The following PXT1 variants were observed in gnomAD, a reference collection of about 807,000 sequenced individuals.
The protein encoded by PXT1 is peroxisomal testis enriched protein 1.
In PXT1, 11 loss-of-function variants were observed where a neutral mutation model predicts 11.0. The observed-to-expected ratio is 1.00, with a 90% CI of 0.63 to 1.66. PXT1 has a LOEUF of 1.66. PXT1 is among the 40% of genes most tolerant of loss of function. The pLI, the probability that PXT1 is intolerant of heterozygous loss-of-function variation, is 0.00. For missense variants in PXT1, 141 were observed against 155.5 expected, an observed-to-expected ratio of 0.91 and a Z score of 0.49; for synonymous variants, 43 against 51.4, an observed-to-expected ratio of 0.84 and a Z score of 0.70.
chr6:36,403,949 A>C (rs1561926184), intron 3 of PXT1, among the ~76,000 whole-genome samples: 1 of 152,194 alleles, frequency 6.6e-6, no homozygotes, highest in Non-Finnish European at 1.5e-5. Context: ...GGGATGTAGA[A>C]CTTAAGATAA....
At chr6:36,435,400 A>T (rs553166245) in intron 2 of PXT1, among the ~76,000 whole-genome samples, 36 of 144,376 alleles carry the variant, frequency 2.5e-4, no homozygotes, top group South Asian at 1.9e-3. Context: ...CTCTACAAAA[A>T]TTTTTTTTTT....
intron 2 of PXT1, among the ~76,000 whole-genome samples, chr6:36,428,503 G>A (rs1774641027): frequency 2.0e-5 from 3 of 151,928 alleles, no homozygotes; most frequent in Non-Finnish European, 4.4e-5. Context: ...AGAGCTGGCC[G>A]GCTGACAGCT....
At chr6:36,441,111 GA>G (rs970159726) in intron 1 of PXT1, among the ~76,000 whole-genome samples, 946 of 71,242 alleles carry the variant, frequency 0.013, 3 homozygotes, top group African/African-American at 0.025. Flanking sequence ...TCCACAAAAA[GA>G]AAAAAAAAAA....
chr6:36,423,489 G>T (rs1168588664), intron 3 of PXT1, among the ~76,000 whole-genome samples: 1 of 152,238 alleles, frequency 6.6e-6, no homozygotes, highest in African/African-American at 2.4e-5. Context: ...TGGCGACGCG[G>T]CCGGCGGCGG....
chr6:36,426,647 G>A (rs1305164712), intron 2 of PXT1, among the ~76,000 whole-genome samples: 1 of 152,138 alleles, frequency 6.6e-6, no homozygotes, highest in African/African-American at 2.4e-5. Flanking sequence ...TGGGATTACA[G>A]GCGTGAGCCA....
intron 2 of PXT1, among the ~76,000 whole-genome samples, 186 bp downstream of exon 2, chr6:36,438,581 C>A (rs553509341): frequency 6.6e-6 from 1 of 152,262 alleles, no homozygotes; most frequent in South Asian, 2.1e-4. Flanking sequence ...TGCCACCACG[C>A]CCGGCTAATT....
intron 3 of PXT1, among the ~76,000 whole-genome samples, chr6:36,411,868 A>G (rs1389560047): frequency 6.6e-6 from 1 of 151,870 alleles, no homozygotes; most frequent in Non-Finnish European, 1.5e-5. Flanking sequence ...GGATCATTTG[A>G]GCCCAAGATG....
intron 4 of PXT1, among the ~76,000 whole-genome samples, chr6:36,395,934 T>C (rs1582245052): frequency 6.6e-6 from 1 of 152,078 alleles, no homozygotes. Context: ...ACCTGGGAAG[T>C]TGAGGCTGCA....
chr6:36,433,670 A>AG (rs1774724425), intron 2 of PXT1, among the ~76,000 whole-genome samples: 1 of 151,746 alleles, frequency 6.6e-6, no homozygotes. Flanking sequence ...ATACAAAAAA[A>AG]AAAAATTAGC....
intron 2 of PXT1, among the ~76,000 whole-genome samples, chr6:36,434,170 A>AAAAAAG (rs934230825): frequency 2.6e-5 from 4 of 152,072 alleles, no homozygotes; most frequent in Admixed American, 6.6e-5. Context: ...TGTCTCTAAA[A>AAAAAAG]AAAAAGAAAA....
intron 4 of PXT1, among the ~76,000 whole-genome samples, chr6:36,398,152 C>T (rs1267863509): frequency 6.6e-6 from 1 of 152,114 alleles, no homozygotes; most frequent in Non-Finnish European, 1.5e-5. Flanking sequence ...CAGGGAAATG[C>T]AAATCAAAAG....
chr6:36,439,349 C>T (rs1021552601), intron 1 of PXT1, among the ~76,000 whole-genome samples: 1 of 151,422 alleles, frequency 6.6e-6, no homozygotes, highest in South Asian at 2.1e-4. Flanking sequence ...TGGTGGCTCA[C>T]GCCTGTAATC....
chr6:36,430,382 G>A lies in PXT1; in HGVS notation c.-9-4291C>T, dbSNP rs116360853. ...TACCCTACCAGGCAGAATGGACTCT[G>A]TAGATGTAATTATATTAAAGCTCTT... On this transcript the variant is annotated intron_variant, in intron 2 of 4. Transcript: ENST00000454782. 3.4e-3 allele frequency among the ~76,000 whole-genome samples: 517 copies of A among 152,238 alleles called. 1 individual carries two copies. Among genetic ancestry groups the A allele is most frequent in the African/African-American group, 0.012 (491 of 41,540 alleles).
At chr6:36,395,338 C>T (rs922491467) in intron 4 of PXT1, among the ~76,000 whole-genome samples, 9 of 151,892 alleles carry the variant, frequency 5.9e-5, no homozygotes, top group African/African-American at 1.9e-4. Context: ...TCTAGAGAAT[C>T]GATGTGACTG....
chr6:36,405,133 T>C (rs1445185527), intron 3 of PXT1, among the ~76,000 whole-genome samples: 1 of 152,084 alleles, frequency 6.6e-6, no homozygotes, highest in East Asian at 1.9e-4. Flanking sequence ...ATCCTGACCC[T>C]GTGTAGGCCT....
At chr6:36,441,724 A>G (rs1445856977) in intron 1 of PXT1, among the ~76,000 whole-genome samples, 2 of 152,222 alleles carry the variant, frequency 1.3e-5, no homozygotes, top group African/African-American at 4.8e-5. Flanking sequence ...TAAACGAGGG[A>G]GAATAGAAAT....
At chr6:36,432,610 C>G (rs532396840) in intron 2 of PXT1, among the ~76,000 whole-genome samples, 1 of 152,048 alleles carries the variant, frequency 6.6e-6, no homozygotes, top group African/African-American at 2.4e-5. Context: ...GAAGCAGTGA[C>G]GTGCAGAGGG....
At chr6:36,439,532 G>A (rs1199653785) in intron 1 of PXT1, among the ~76,000 whole-genome samples, 1 of 150,760 alleles carries the variant, frequency 6.6e-6, no homozygotes, top group Non-Finnish European at 1.5e-5. Context: ...ATAATCGCTT[G>A]AATCCGGGAG....
In PXT1 at chr6:36,391,896, C is replaced by T. The variant is rs751234992; in HGVS notation, c.301-22G>A. On this transcript the variant is annotated intron_variant, in intron 4 of 4. Transcript: ENST00000454782. Reference sequence around the variant, plus strand: ...GATCCTATTTGAAAAAAGGGAGACACAGAGAAAGGTTTTTTTTTTTTTTTA... The same window carrying T: ...GATCCTATTTGAAAAAAGGGAGACATAGAGAAAGGTTTTTTTTTTTTTTTA... 41 of 1,365,834 alleles carry T rather than the reference C, an allele frequency of 3.0e-5. 1 individual carries two copies. The South Asian group carries it at 3.5e-4, about 12-fold the overall frequency. The allele number at this position is 1,365,834 out of a possible 1,614,324, so 84.6% of individuals were successfully genotyped here.
Sources: gnomAD v4.1 joint callset for allele counts (sites outside exome capture counted in the v4.1 genomes callset) on GRCh38, gnomAD v4.1.1 for gene constraint, MANE v1.5 for transcripts, NCBI Gene and HGNC (gene_info 2026-07-23, HGNC 2026-07-21) for gene names.